Variants in MLANA observed in about 807,000 individuals in gnomAD.
MLANA encodes melanoma antigen recognized by T-cells 1.
In MLANA, 21 loss-of-function variants were observed where a neutral mutation model predicts 15.7. That is an observed-to-expected ratio of 1.33 (90% CI 0.95 to 1.92). The LOEUF is 1.92. MLANA is among the 40% of genes most tolerant of loss of function. The probability of loss-of-function intolerance (pLI) is 0.00; values close to 1 mark genes in which losing one functional copy is unlikely to be tolerated. For missense variants in MLANA, 164 were observed against 143.8 expected (o/e 1.14, Z -0.72); for synonymous variants, 56 against 51.5 (o/e 1.09, Z -0.37).
Position 5,900,783 on chromosome 9 carries a change from G to A in MLANA, c.174+3130G>A, listed in dbSNP as rs985828495. ...TTTGTAGCAACAGGAAGTGGGAAAT[G>A]ATTTGTAATAAACTGAACAGTGGTT... On this transcript the variant is annotated intron_variant, in intron 3 of 4. Coordinates refer to ENST00000381477, the MANE Select transcript of MLANA (RefSeq NM_005511.2). Among the ~76,000 whole-genome samples the A allele has an allele frequency of 5.9e-4, 90 of 152,342 alleles. 2 individuals carry two copies. The highest frequency in any genetic ancestry group is 2.0e-3 in the African/African-American group (83 of 41,580).
At chr9:5,907,199 G>A (rs1347617617) in intron 4 of MLANA, 2 of 345,236 alleles carry the variant, frequency 5.8e-6, no homozygotes, top group African/African-American at 4.2e-5. Flanking sequence ...AAAAACAAGG[G>A]AAGTACAGAT....
At chr9:5,902,159 GTTA>G (rs1426266162) in intron 3 of MLANA, among the ~76,000 whole-genome samples, 4 of 152,128 alleles carry the variant, frequency 2.6e-5, no homozygotes, top group Admixed American at 1.3e-4. Flanking sequence ...GTTTTGGAAA[GTTA>G]TTATTGATTC....
intron 2 of MLANA, among the ~76,000 whole-genome samples, chr9:5,893,563 T>C (rs759418850): frequency 2.6e-5 from 4 of 152,130 alleles, no homozygotes; most frequent in African/African-American, 4.8e-5. Context: ...AGGGCGGCGG[T>C]ATCTTCTCAG....
Position 5,897,557 on chromosome 9 carries a change from G to T in MLANA, c.78G>T (p.Glu26Asp). 6.2e-7 allele frequency: 1 copy of T among 1,613,940 alleles called. No individual in the cohort carries two copies. The highest frequency in any genetic ancestry group is 8.5e-7 in the Non-Finnish European group (1 of 1,179,794). ...GHGHSYTTAE[E>D]AAGIGILTVI... ...TGGATTTGTCTATCTCTTGGGCCAG[G>T]GCCGCTGGGATCGGCATCCTGACAG... Residue 26 changes from glutamate to aspartate, a missense_variant and splice_region_variant, in exon 3 of 5, where the codon GAG (glutamate) becomes GAT (aspartate). By Grantham distance (45) the Glu-to-Asp change is conservative (BLOSUM62 2). Coordinates refer to ENST00000381477, the MANE Select transcript of MLANA (RefSeq NM_005511.2).
chr9:5,893,153 A>G (rs544923643), intron 2 of MLANA, among the ~76,000 whole-genome samples: 6 of 152,342 alleles, frequency 3.9e-5, no homozygotes, highest in African/African-American at 1.2e-4. Flanking sequence ...TTTATCTTTG[A>G]AAAAACTCAC....
At position 5,909,002 on chromosome 9, in the gene MLANA, T is replaced by C. The variant is rs991207923; in HGVS notation, c.*294T>C. On this transcript the variant is annotated 3_prime_UTR_variant, in exon 5 of 5. Transcript: ENST00000381477. ...TGGTGTTATTTTCTGAGAGACAGAA[T>C]TCAAGTGGGTATTCTGGGGCCATCC... is the stretch of plus-strand genomic sequence containing the variant. The C allele has an allele frequency of 2.7e-6, 1 of 366,980 alleles. No individual in the cohort carries two copies. Among genetic ancestry groups the C allele is most frequent in the Admixed American group, 4.3e-5 (1 of 23,078 alleles). 22.7% of individuals were successfully genotyped at this position (366,980 alleles called of 1,614,324 possible).
At chr9:5,900,578 G>A (rs1175700494) in intron 3 of MLANA, among the ~76,000 whole-genome samples, 4 of 152,092 alleles carry the variant, frequency 2.6e-5, no homozygotes, top group Non-Finnish European at 5.9e-5. Context: ...CATTAAATAT[G>A]AGCTTTGGGC....
chr9:5,907,417 G>A lies in MLANA; in HGVS notation c.288+419G>A, dbSNP rs535682785. ...TTGTATAGAGCTGTGCTGTCTGATGGCTTAGCCACTAGTCACATGGTGCTA... is the reference window on the plus strand; with the variant it reads ...TTGTATAGAGCTGTGCTGTCTGATGACTTAGCCACTAGTCACATGGTGCTA... On this transcript the variant is annotated intron_variant, in intron 4 of 4. Transcript: ENST00000381477. Among the ~76,000 whole-genome samples the A allele has an allele frequency of 5.9e-5, 9 of 152,222 alleles. No individual in the cohort carries two copies. In the South Asian group the frequency reaches 1.9e-3, roughly 32 times the overall value.
chr9:5,901,550 A>T (rs575108025), intron 3 of MLANA, among the ~76,000 whole-genome samples: 3 of 151,926 alleles, frequency 2.0e-5, no homozygotes, highest in Admixed American at 6.6e-5. Flanking sequence ...ATGGGGTCTC[A>T]TTCTGTCACC....
Position 5,906,178 on chromosome 9 carries a change from A to C in MLANA, c.175-707A>C, listed in dbSNP as rs926399584. 2.7e-4 allele frequency among the ~76,000 whole-genome samples: 40 copies of C among 146,846 alleles called. 1 individual carries two copies. Among genetic ancestry groups the C allele is most frequent in the Admixed American group, 7.0e-5 (1 of 14,314 alleles). ...CCAGCCTAGGCAACTTAGCAAGATC[A>C]TGTCTCTTAAAAAAAAAAAAAGAAA... On this transcript the variant is annotated intron_variant, in intron 3 of 4. Coordinates refer to ENST00000381477, the MANE Select transcript of MLANA (RefSeq NM_005511.2).
intron 3 of MLANA, among the ~76,000 whole-genome samples, chr9:5,898,453 C>G (rs1832186088): frequency 6.6e-6 from 1 of 152,216 alleles, no homozygotes; most frequent in Non-Finnish European, 1.5e-5. Flanking sequence ...TTAATCACCT[C>G]TTAAAAGTCC....
intron 3 of MLANA, among the ~76,000 whole-genome samples, chr9:5,903,406 A>AT (rs1408770550): frequency 2.0e-5 from 3 of 152,014 alleles, no homozygotes; most frequent in Non-Finnish European, 4.4e-5. Flanking sequence ...GTTAGGTTTG[A>AT]TTTGCTAATA....
At chr9:5,893,915 G>C (rs927645008) in intron 2 of MLANA, among the ~76,000 whole-genome samples, 1 of 122,488 alleles carries the variant, frequency 8.2e-6, no homozygotes. Flanking sequence ...CCCGCCCCCC[G>C]CCCCGTGGCA....
At position 5,908,928 on chromosome 9, in the gene MLANA, G is replaced by T. The variant is rs547385238; in HGVS notation, c.*220G>T. On this transcript the variant is annotated 3_prime_UTR_variant, in exon 5 of 5. Transcript: ENST00000381477. ...AATTGGGAAAACTCCATCAATAAAT[G>T]TTGCAATGCATGATACTATCTGTGC... 6 of 540,770 alleles carry T rather than the reference G, an allele frequency of 1.1e-5. No homozygotes were observed. In the South Asian group the frequency reaches 1.2e-4, roughly 11 times the overall value. The allele number at this position is 540,770 out of a possible 1,614,324, so 33.5% of individuals were successfully genotyped here. A position where few individuals can be genotyped will look rare whatever the true frequency, so the allele number is the denominator to read the frequency against.
chr9:5,910,265 C>T lies in MLANA; in HGVS notation c.*1557C>T, dbSNP rs2130023605. On this transcript the variant is annotated 3_prime_UTR_variant, in exon 5 of 5. Coordinates refer to ENST00000381477, the MANE Select transcript of MLANA (RefSeq NM_005511.2). ...AAATCATCTTGTCTCATCAGAAACA[C>T]TAGTGTAACATAACTGCATCATTTT... 1 of 152,280 alleles carries T rather than the reference C, an allele frequency of 6.6e-6. No homozygotes were observed. The highest frequency in any genetic ancestry group is 1.9e-4 in the East Asian group (1 of 5,188). 9.4% of individuals were successfully genotyped at this position (152,280 alleles called of 1,614,324 possible). A position where few individuals can be genotyped will look rare whatever the true frequency, so the allele number is the denominator to read the frequency against.
intron 3 of MLANA, among the ~76,000 whole-genome samples, chr9:5,899,834 A>G (rs140553846): frequency 1.0e-3 from 154 of 152,274 alleles, no homozygotes; most frequent in Admixed American, 1.7e-3. Flanking sequence ...TAGTCACTCA[A>G]TTGTGTTGCA....
chr9:5,899,458 G>A (rs1832270887), intron 3 of MLANA, among the ~76,000 whole-genome samples: 1 of 152,188 alleles, frequency 6.6e-6, no homozygotes, highest in African/African-American at 2.4e-5. Context: ...AAGTCTGGGG[G>A]CTGACACACC....
Position 5,897,132 on chromosome 9 carries a change from A to G in MLANA, c.78-425A>G, listed in dbSNP as rs529403169. Among the ~76,000 whole-genome samples, 16 of 152,368 alleles carry G rather than the reference A, an allele frequency of 1.1e-4. No homozygotes were observed. The South Asian group carries it at 3.3e-3, about 32-fold the overall frequency. On this transcript the variant is annotated intron_variant, in intron 2 of 4. Transcript: ENST00000381477. ...GAATAAGCTAATGAATGTTTAGCAC[A>G]GCACCTGGCTTTTAGTAGATGAGTC...
chr9:5,897,480 G>A, intron 2 of MLANA, 77 bp from the exon 3 acceptor site: 4 of 1,350,878 alleles, frequency 3.0e-6, no homozygotes, highest in Non-Finnish European at 4.3e-6. Context: ...ATATGAAGAG[G>A]AAGACTGATT....
Sources: allele counts gnomAD v4.1 joint callset (sites outside exome capture counted in the v4.1 genomes callset), GRCh38; gene constraint gnomAD v4.1.1; transcripts MANE v1.5; gene names NCBI Gene and HGNC (gene_info 2026-07-23, HGNC 2026-07-21).